ROBO1: variants seen among roughly 807,000 people sequenced by gnomAD.
ROBO1 encodes the protein roundabout homolog 1.
ROBO1 carries 149 observed loss-of-function variants against 195.9 expected under a neutral mutation model. The observed-to-expected ratio is 0.76, with a 90% CI of 0.67 to 0.87. ROBO1 has a LOEUF of 0.87. ROBO1 is among the 40% of genes least tolerant of loss of function. ROBO1 has a pLI of 0.00. For synonymous variants in ROBO1, 816 were observed against 733.2 expected (o/e 1.11, Z -1.82); for missense variants, 1,933 against 2,068.3 (o/e 0.93, Z 1.27).
intron 2 of ROBO1, among the ~76,000 whole-genome samples, chr3:79,395,505 A>G (rs1334465865): frequency 6.6e-6 from 1 of 152,024 alleles, no homozygotes; most frequent in Non-Finnish European, 1.5e-5. Context: ...AATTTCTGAA[A>G]AATATTTACA....
intron 2 of ROBO1, among the ~76,000 whole-genome samples, chr3:79,580,939 T>G (rs1207417664): frequency 6.6e-6 from 1 of 152,174 alleles, no homozygotes; most frequent in African/African-American, 2.4e-5. Flanking sequence ...GGAAACGTTT[T>G]CCAAAGCAAT....
intron 2 of ROBO1, among the ~76,000 whole-genome samples, chr3:79,281,104 T>TA (rs1462366902): frequency 6.6e-6 from 1 of 152,246 alleles, no homozygotes; most frequent in African/African-American, 2.4e-5. Context: ...TTTCTGTGTT[T>TA]AAAAAGATTA....
intron 3 of ROBO1, among the ~76,000 whole-genome samples, chr3:79,072,504 T>C (rs1343907435): frequency 2.0e-5 from 3 of 151,880 alleles, no homozygotes; most frequent in Non-Finnish European, 4.4e-5. Context: ...CCTGTATGAA[T>C]GGTTTATGTC....
rs146394359 is a variant in ROBO1 at position 79,018,179 on chromosome 3, G to A, written c.173-79252C>T. On this transcript the variant is annotated intron_variant, in intron 3 of 30. Coordinates refer to ENST00000464233, the MANE Select transcript of ROBO1 (RefSeq NM_002941.4). ...TTGGCAAAAGGCCGAGATCTGCAAA[G>A]AGTCTTGAGGAGGTTCAGGGGTGGA... Among the ~76,000 whole-genome samples the A allele has an allele frequency of 2.0e-5, 3 of 152,324 alleles. No individual in the cohort carries two copies. The East Asian group carries it at 5.8e-4, about 30-fold the overall frequency.
At chr3:78,721,127 T>C (rs536859770) in intron 5 of ROBO1, among the ~76,000 whole-genome samples, 24 of 152,282 alleles carry the variant, frequency 1.6e-4, no homozygotes, top group South Asian at 4.1e-4. Context: ...TCTTTGGCTA[T>C]ACGAGTTGTA....
chr3:79,661,662 CAG>C (rs1946331937), intron 1 of ROBO1, among the ~76,000 whole-genome samples: 1 of 151,694 alleles, frequency 6.6e-6, no homozygotes, highest in East Asian at 2.0e-4. Flanking sequence ...CACATTTGTA[CAG>C]AGACAGGTGT....
intron 2 of ROBO1, among the ~76,000 whole-genome samples, chr3:79,445,913 A>G (rs2039239746): frequency 6.6e-6 from 1 of 151,554 alleles, no homozygotes; most frequent in Non-Finnish European, 1.5e-5. Flanking sequence ...CAGCCTCCCA[A>G]AGTGCTGGGA....
intron 2 of ROBO1, among the ~76,000 whole-genome samples, chr3:79,528,534 C>T (rs894650807): frequency 6.6e-6 from 1 of 152,042 alleles, no homozygotes; most frequent in African/African-American, 2.4e-5. Context: ...ACATTGAAAC[C>T]CTTCAATCTC....
At chr3:79,171,922 C>CATTATCACACAT (rs1372993597) in intron 2 of ROBO1, among the ~76,000 whole-genome samples, 4 of 151,992 alleles carry the variant, frequency 2.6e-5, no homozygotes, top group Non-Finnish European at 5.9e-5. Flanking sequence ...AACAGCTTTC[C>CATTATCACACAT]TTTGGAGAGT....
At chr3:78,703,812 TAC>T (rs988072075) in intron 8 of ROBO1, among the ~76,000 whole-genome samples, 1 of 106,656 alleles carries the variant, frequency 9.4e-6, no homozygotes, top group Non-Finnish European at 1.9e-5. Context: ...ACCACCATTT[TAC>T]ACACACACAC....
At chr3:79,137,490 A>G (rs2080434138) in intron 2 of ROBO1, among the ~76,000 whole-genome samples, 1 of 152,092 alleles carries the variant, frequency 6.6e-6, no homozygotes, top group Non-Finnish European at 1.5e-5. Flanking sequence ...AATGTGAAAA[A>G]AAGGAAGTAA....
chr3:78,779,087 C>A (rs2083592294), intron 4 of ROBO1, among the ~76,000 whole-genome samples: 1 of 152,066 alleles, frequency 6.6e-6, no homozygotes, highest in South Asian at 2.1e-4. Flanking sequence ...CTTCCTTACA[C>A]CTTATACAAA....
intron 1 of ROBO1, among the ~76,000 whole-genome samples, chr3:79,733,952 CTTTT>C (rs747730486): frequency 7.2e-6 from 1 of 138,778 alleles, no homozygotes; most frequent in African/African-American, 2.7e-5. Flanking sequence ...ATCCTCCCAT[CTTTT>C]TTTTTTTTTT....
At chr3:79,361,509 AT>A (rs1165343538) in intron 2 of ROBO1, among the ~76,000 whole-genome samples, 3 of 148,560 alleles carry the variant, frequency 2.0e-5, no homozygotes, top group Non-Finnish European at 2.9e-5. Context: ...CAAAATAACG[AT>A]TTAATACCAT....
rs1705348465 is a variant in ROBO1, at chr3:78,634,155, A to G, written c.3374-113T>C. ...ACTAAAGAAACAAATTGGACCATTT[A>G]TTTGCCTTTTTTCTCTTCTATTGTT... On this transcript the variant is annotated intron_variant, in intron 23 of 30. Coordinates refer to ENST00000464233, the MANE Select transcript of ROBO1 (RefSeq NM_002941.4). 4.7e-6 allele frequency: 3 copies of G among 636,718 alleles called. No homozygotes were observed. In the East Asian group the frequency reaches 8.8e-5, roughly 19 times the overall value. 39.4% of individuals were successfully genotyped at this position (636,718 alleles called of 1,614,324 possible). A position where few individuals can be genotyped will look rare whatever the true frequency, so the allele number is the denominator to read the frequency against.
chr3:79,343,024 C>T (rs1559831914), intron 2 of ROBO1, among the ~76,000 whole-genome samples: 1 of 152,112 alleles, frequency 6.6e-6, no homozygotes. Context: ...TCTCTCACAC[C>T]CTAACAACAA....
At chr3:78,905,795 A>G (rs1000532495) in intron 4 of ROBO1, among the ~76,000 whole-genome samples, 3 of 152,180 alleles carry the variant, frequency 2.0e-5, no homozygotes, top group Non-Finnish European at 2.9e-5. Flanking sequence ...AAATCTTTAA[A>G]GGAAGTACGA....
chr3:79,101,410 A>G (rs1478026966), intron 3 of ROBO1, among the ~76,000 whole-genome samples: 1 of 151,860 alleles, frequency 6.6e-6, no homozygotes, highest in Non-Finnish European at 1.5e-5. Flanking sequence ...GAATGATGCC[A>G]TATAACAGTA....
intron 1 of ROBO1, among the ~76,000 whole-genome samples, chr3:79,728,733 A>G (rs1360580396): frequency 6.6e-6 from 1 of 152,144 alleles, no homozygotes; most frequent in African/African-American, 2.4e-5. Context: ...ACTTAATTTC[A>G]GTCCCTTCAA....
Sources: allele counts gnomAD v4.1 joint callset (sites outside exome capture counted in the v4.1 genomes callset), GRCh38; gene constraint gnomAD v4.1.1; transcripts MANE v1.5; gene names NCBI Gene and HGNC (gene_info 2026-07-23, HGNC 2026-07-21).